IGSF10: variants seen among roughly 807,000 people sequenced by gnomAD.
IGSF10 encodes the protein calvaria mechanical force protein 608.
In IGSF10, 126 loss-of-function variants were observed where a neutral mutation model predicts 128.2. The observed-to-expected ratio is 0.98, with a 90% CI of 0.85 to 1.14. IGSF10 has a LOEUF of 1.14. Ranked by LOEUF, IGSF10 falls within the 50% of genes most tolerant of loss-of-function variation. The pLI is 0.00. For synonymous variants in IGSF10, 1,185 were observed against 1,146.2 expected (o/e 1.03, Z -0.68); for missense variants, 3,295 against 3,149.8 (o/e 1.05, Z -1.10).
At chr3:151,487,199 A>G in the IGSF10 span, among the ~76,000 whole-genome samples, 1 of 152,190 alleles carries the variant, frequency 6.6e-6, no homozygotes. Flanking sequence ...AATACTATAA[A>G]CACCTCTATG....
chr3:151,483,649 C>A, the IGSF10 span, among the ~76,000 whole-genome samples: 1 of 152,114 alleles, frequency 6.6e-6, no homozygotes. Flanking sequence ...ACAATAGGTG[C>A]AGCCCAAGGA....
chr3:151,593,466 T>C, the IGSF10 span, among the ~76,000 whole-genome samples: 4 of 152,132 alleles, frequency 2.6e-5, no homozygotes, highest in Admixed American at 6.5e-5. Context: ...GCTACCACCA[T>C]TTATGCATGG....
At chr3:151,517,455 T>C in the IGSF10 span, among the ~76,000 whole-genome samples, 1 of 151,978 alleles carries the variant, frequency 6.6e-6, no homozygotes, top group African/African-American at 2.4e-5. Context: ...GTCTCCCTGG[T>C]GCACTGTATT....
chr3:151,578,420 A>G, the IGSF10 span, among the ~76,000 whole-genome samples: 1 of 152,178 alleles, frequency 6.6e-6, no homozygotes, highest in Non-Finnish European at 1.5e-5. Flanking sequence ...TTCACTGAAA[A>G]TTTATTTGCA....
chr3:151,563,844 A>G, the IGSF10 span, among the ~76,000 whole-genome samples: 1 of 152,306 alleles, frequency 6.6e-6, no homozygotes, highest in Non-Finnish European at 1.5e-5. Context: ...ATGCTTTATA[A>G]TAATTAAGTC....
chr3:151,445,049 T>C lies in IGSF10; in HGVS notation c.4932A>G (p.Ile1644Met). ...CTCCAACTATCCTGGGCTTTTCAAA[T>C]ATATACCTAGACAAAGAGTCAAAGG... ...LLPFDSLSRY[I>M]FEKPRIVGGK... The change falls in exon 6 of 8, where the codon ATA becomes ATG. Residue 1644 changes from isoleucine (I) to methionine (M), a missense_variant. Ile to Met is a conservative substitution (Grantham distance 10, BLOSUM62 1). Transcript: ENST00000282466. 6.2e-7 allele frequency: 1 copy of C among 1,614,196 alleles called. No homozygotes were observed. Among genetic ancestry groups the C allele is most frequent in the South Asian group, 1.1e-5 (1 of 91,082 alleles).
the IGSF10 span, among the ~76,000 whole-genome samples, chr3:151,574,593 C>T: frequency 6.6e-6 from 1 of 152,304 alleles, no homozygotes; most frequent in Admixed American, 6.5e-5. Context: ...CTTCTCTCCA[C>T]TGTTTATTCT....
At chr3:151,591,544 G>A in the IGSF10 span, among the ~76,000 whole-genome samples, 1 of 150,874 alleles carries the variant, frequency 6.6e-6, no homozygotes, top group Admixed American at 6.6e-5. Flanking sequence ...AAGTTGTGAA[G>A]GAGAAAAAGG....
intron 7 of IGSF10, among the ~76,000 whole-genome samples, chr3:151,442,289 G>T (rs1035116239): frequency 6.6e-6 from 1 of 151,866 alleles, no homozygotes; most frequent in African/African-American, 2.4e-5. Flanking sequence ...GTAAAATAAC[G>T]GAGTGTCTCT....
intron 4 of IGSF10, among the ~76,000 whole-genome samples, chr3:151,455,137 T>C (rs1429441608): frequency 6.6e-6 from 1 of 151,280 alleles, no homozygotes; most frequent in Non-Finnish European, 1.5e-5. Flanking sequence ...TGAGATGGAG[T>C]TTCACTCTTG....
intron 4 of IGSF10, among the ~76,000 whole-genome samples, chr3:151,454,718 A>G (rs1220126070): frequency 2.6e-5 from 4 of 152,152 alleles, no homozygotes; most frequent in African/African-American, 9.7e-5. Context: ...TTTAAAGTGT[A>G]CAACTGGCTG....
rs148001595 is a variant in IGSF10 at position 151,446,920 on chromosome 3, G to A, written c.3061C>T (p.Arg1021Trp). 2.1e-5 allele frequency: 34 copies of A among 1,614,106 alleles called. No individual in the cohort carries two copies. The highest frequency in any genetic ancestry group is 1.2e-4 in the African/African-American group (9 of 75,020). The change falls in exon 6 of 8, where the codon CGG becomes TGG. Residue 1021 changes from arginine (R) to tryptophan (W), a missense_variant. Coordinates refer to ENST00000282466, the MANE Select transcript of IGSF10 (RefSeq NM_178822.5). ...GRQRKIGGRG[R>W]IISPYRTPVL... ...GGAGTTCTATATGGGCTGATAATCC[G>A]CCCCCTTCCGCCAATTTTCCTCTGC... is the stretch of plus-strand genomic sequence containing the variant.
the IGSF10 span, among the ~76,000 whole-genome samples, chr3:151,611,589 A>G: frequency 6.6e-6 from 1 of 152,182 alleles, no homozygotes; most frequent in Non-Finnish European, 1.5e-5. Flanking sequence ...ATTCTCTGAA[A>G]TGGATATCTT....
intron 4 of IGSF10, among the ~76,000 whole-genome samples, chr3:151,455,891 C>A (rs1368936911): frequency 6.6e-6 from 1 of 152,202 alleles, no homozygotes; most frequent in East Asian, 1.9e-4. Context: ...CTAGTAAACA[C>A]CATTTCTCAT....
chr3:151,432,824 A>G (rs761511914), downstream of IGSF10: 22 of 1,597,858 alleles, frequency 1.4e-5, no homozygotes, highest in Non-Finnish European at 1.8e-5. Context: ...AGGAGAAGAC[A>G]TGACGTTTTA....
chr3:151,434,765 C>T (rs1423245424), downstream of IGSF10: 2 of 152,174 alleles, frequency 1.3e-5, no homozygotes, highest in Non-Finnish European at 2.9e-5. Flanking sequence ...TGTAGCTCAG[C>T]ATTGCAAACA....
At chr3:151,441,320 A>C (rs1444108494) in intron 7 of IGSF10, among the ~76,000 whole-genome samples, 1 of 152,254 alleles carries the variant, frequency 6.6e-6, no homozygotes, top group Non-Finnish European at 1.5e-5. Flanking sequence ...TTCTTAATAA[A>C]GATTAATGCA....
At position 151,453,621 on chromosome 3, in the gene IGSF10, A is replaced by G. The variant is rs1052320215; in HGVS notation, c.478T>C (p.Leu160=). 3.1e-6 allele frequency: 5 copies of G among 1,613,988 alleles called. No individual in the cohort carries two copies. The African/African-American group carries it at 6.7e-5, about 22-fold the overall frequency. Residue 160 remains leucine (L), a synonymous_variant, in exon 5 of 8, where the codon TTG becomes CTG. Transcript: ENST00000282466. ...AGCTTAGTGAGCTGATTTCCTTCCA[A>G]GTGCACCAGGCGGAGAAAGTTGAGC... The part of the protein sequence containing the change: ...YGLNFLRLVH[L]EGNQLTKLHP...
At chr3:151,610,145 G>T in the IGSF10 span, among the ~76,000 whole-genome samples, 48 of 152,274 alleles carry the variant, frequency 3.2e-4, no homozygotes, top group East Asian at 7.9e-3. Flanking sequence ...AGTTTGGATA[G>T]GATGGTGGCA....
Sources: gnomAD v4.1 joint callset for allele counts (sites outside exome capture counted in the v4.1 genomes callset) on GRCh38, gnomAD v4.1.1 for gene constraint, MANE v1.5 for transcripts, NCBI Gene and HGNC (gene_info 2026-07-23, HGNC 2026-07-21) for gene names.